The following FARP2 variants were observed in gnomAD, a reference collection of about 807,000 sequenced individuals.
The protein encoded by FARP2 is FERM, ARH/RhoGEF and pleckstrin domain protein 2, also known as FERM, ARHGEF and pleckstrin domain-containing protein 2.
A neutral mutation model predicts 130.5 loss-of-function variants in FARP2; 111 were observed. The observed-to-expected ratio is 0.85, with a 90% CI of 0.73 to 1.00. The LOEUF (loss-of-function observed/expected upper bound fraction) is 1.00. Among genes scored for constraint, FARP2 ranks in the 50% least tolerant of loss-of-function variants. The pLI is 0.00. For missense variants in FARP2, 1,385 were observed against 1,346.3 expected, an observed-to-expected ratio of 1.03 and a Z score of -0.45; for synonymous variants, 504 against 516.9, an observed-to-expected ratio of 0.98 and a Z score of 0.34.
At chr2:241,413,524 A>G in intron 7 of FARP2, 103 bp downstream of exon 7, 2 of 812,004 alleles carry the variant, frequency 2.5e-6, no homozygotes, top group Admixed American at 2.3e-5. Flanking sequence ...AGATTCTAAC[A>G]TAAGGACCAT....
At chr2:241,410,550 C>T (rs2062490247) in intron 5 of FARP2, among the ~76,000 whole-genome samples, 1 of 151,950 alleles carries the variant, frequency 6.6e-6, no homozygotes, top group Non-Finnish European at 1.5e-5. Context: ...CCTGCCTCAG[C>T]CTCCCAAGTA....
At chr2:241,471,810 C>T (rs904606686) in intron 18 of FARP2, among the ~76,000 whole-genome samples, 3 of 151,512 alleles carry the variant, frequency 2.0e-5, no homozygotes, top group Admixed American at 2.0e-4. Flanking sequence ...TGCTGTTCTA[C>T]GGAGACCCTA....
At chr2:241,474,747 G>A (rs1011420658) in intron 18 of FARP2, among the ~76,000 whole-genome samples, 5 of 151,690 alleles carry the variant, frequency 3.3e-5, no homozygotes, top group Non-Finnish European at 7.4e-5. Context: ...AGCCAAGATC[G>A]TGCCACTGCA....
At position 241,463,906 on chromosome 2, in the gene FARP2, C is replaced by T. The variant is rs1474037216; in HGVS notation, c.1819C>T (p.Pro607Ser). 1.9e-6 allele frequency: 3 copies of T among 1,613,582 alleles called. No individual in the cohort carries two copies. Among genetic ancestry groups the T allele is most frequent in the Admixed American group, 1.7e-5 (1 of 59,978 alleles). Residue 607 changes from proline to serine, a missense_variant, in exon 17 of 27, where the codon CCC becomes TCC. Coordinates refer to ENST00000264042, the MANE Select transcript of FARP2 (RefSeq NM_014808.4). ...TTGTTTCTTTTTACTCAGGGAAGGG[C>T]CCTCCAAAGCCCACACAAAAGGCAG... The part of the protein sequence containing the change: ...VEQRLALWEG[P>S]SKAHTKGSHQ...
chr2:241,399,716 C>T (rs531245249), intron 2 of FARP2, among the ~76,000 whole-genome samples: 2 of 152,110 alleles, frequency 1.3e-5, no homozygotes, highest in East Asian at 1.9e-4. Context: ...TTCAGGTAGT[C>T]GATATCAGTC....
At chr2:241,398,490 C>G (rs118019542) in intron 2 of FARP2, among the ~76,000 whole-genome samples, 1 of 152,068 alleles carries the variant, frequency 6.6e-6, no homozygotes, top group East Asian at 1.9e-4. Context: ...AAACAAATCA[C>G]TGTTTATCCA....
intron 18 of FARP2, among the ~76,000 whole-genome samples, chr2:241,470,804 G>A (rs1039774230): frequency 2.0e-5 from 3 of 150,828 alleles, no homozygotes; most frequent in African/African-American, 7.3e-5. Flanking sequence ...GGAGGATACT[G>A]TGCTGTGGGG....
At chr2:241,362,061 AT>A (rs1176879357) in intron 1 of FARP2, among the ~76,000 whole-genome samples, 3 of 151,262 alleles carry the variant, frequency 2.0e-5, no homozygotes, top group Non-Finnish European at 4.4e-5. Flanking sequence ...CGCCCAGCCA[AT>A]TTTTTTGTAT....
chr2:241,459,218 C>T lies in FARP2; in HGVS notation c.1587+2296C>T, dbSNP rs1303665241. On this transcript the variant is annotated intron_variant, in intron 14 of 26. Coordinates refer to ENST00000264042, the MANE Select transcript of FARP2 (RefSeq NM_014808.4). The surrounding 1 kb of genome is among the most constrained non-coding windows in gnomAD (Gnocchi z 5.3). Reference sequence around the variant, plus strand: ...GAGGTAGGTTCCCACCAGAGTACCCCTCTGTGCTGACCTCATGAACCAGTG... The same window carrying T: ...GAGGTAGGTTCCCACCAGAGTACCCTTCTGTGCTGACCTCATGAACCAGTG... Among the ~76,000 whole-genome samples the T allele has an allele frequency of 1.3e-5, 2 of 152,226 alleles. No individual in the cohort carries two copies. The highest frequency in any genetic ancestry group is 2.4e-5 in the African/African-American group (1 of 41,456).
intron 8 of FARP2, among the ~76,000 whole-genome samples, chr2:241,422,545 G>C (rs1293468570): frequency 2.0e-5 from 3 of 152,094 alleles, no homozygotes; most frequent in Non-Finnish European, 4.4e-5. Flanking sequence ...CACTCAAAAA[G>C]TCAGAGTGCC....
At chr2:241,493,886 C>T (rs1359495200) in intron 26 of FARP2, 122 bp from the exon 27 acceptor site, 6 of 603,180 alleles carry the variant, frequency 9.9e-6, no homozygotes, top group Non-Finnish European at 1.7e-5. Flanking sequence ...CATGAGCCAC[C>T]GCACCCGGCC....
chr2:241,390,151 G>A (rs967611658), intron 2 of FARP2, among the ~76,000 whole-genome samples: 5 of 152,182 alleles, frequency 3.3e-5, no homozygotes, highest in African/African-American at 1.2e-4. Context: ...TAGTGCTTGT[G>A]CCCCCACTAC....
chr2:241,437,997 C>A (rs2063287523), intron 12 of FARP2, among the ~76,000 whole-genome samples: 1 of 152,038 alleles, frequency 6.6e-6, no homozygotes, highest in Non-Finnish European at 1.5e-5. Context: ...TTAGTAGAGA[C>A]ATGGTTTCAC....
intron 19 of FARP2, among the ~76,000 whole-genome samples, chr2:241,481,784 A>ATAGG (rs2064622219): frequency 6.6e-6 from 1 of 152,234 alleles, no homozygotes; most frequent in African/African-American, 2.4e-5. Flanking sequence ...GAGTAGCTAC[A>ATAGG]TAGGCAAAGG....
Position 241,465,712 on chromosome 2 carries a change from G to A in FARP2, c.1893+1732G>A, listed in dbSNP as rs1030125085. 4 of 1,550,726 alleles carry A rather than the reference G, an allele frequency of 2.6e-6. No homozygotes were observed. The African/African-American group carries it at 5.5e-5, about 21-fold the overall frequency. On this transcript the variant is annotated intron_variant, in intron 17 of 26. Coordinates refer to ENST00000264042, the MANE Select transcript of FARP2 (RefSeq NM_014808.4). ...TCACCACGTGACCGCCCAAGGTGTG[G>A]AGCTCTGCATAACACCATGAAGCTG...
intron 2 of FARP2, among the ~76,000 whole-genome samples, chr2:241,380,897 C>T (rs935319056): frequency 3.3e-5 from 5 of 152,088 alleles, no homozygotes; most frequent in African/African-American, 1.2e-4. Flanking sequence ...CATGCCCTGC[C>T]TCCACTGAGC....
intron 2 of FARP2, among the ~76,000 whole-genome samples, chr2:241,381,144 C>T (rs1011705694): frequency 6.6e-5 from 10 of 152,260 alleles, no homozygotes; most frequent in Non-Finnish European, 1.2e-4. Context: ...GTCCGTTTCC[C>T]TCCTCTGGAA....
intron 1 of FARP2, among the ~76,000 whole-genome samples, chr2:241,357,562 C>G (rs1323263954): frequency 6.6e-6 from 1 of 152,100 alleles, no homozygotes; most frequent in East Asian, 1.9e-4. Flanking sequence ...GAGACATGAC[C>G]AAGTTGCACA....
intron 1 of FARP2, among the ~76,000 whole-genome samples, chr2:241,364,545 TAAATAA>T (rs1280427842): frequency 6.6e-6 from 1 of 152,168 alleles, no homozygotes; most frequent in Admixed American, 6.5e-5. Context: ...AGTTAAAAAA[TAAATAA>T]AACTTTATAA....
Sources: allele counts gnomAD v4.1 joint callset (sites outside exome capture counted in the v4.1 genomes callset), GRCh38; gene constraint gnomAD v4.1.1; non-coding constraint Gnocchi (gnomAD v3.1); transcripts MANE v1.5; gene names NCBI Gene and HGNC (gene_info 2026-07-23, HGNC 2026-07-21).